The following XKR6 variants were observed in gnomAD, a reference collection of about 807,000 sequenced individuals.
XKR6 encodes the protein XK-related protein 6.
XKR6 carries 22 observed loss-of-function variants against 56.7 expected under a neutral mutation model. That is an observed-to-expected ratio of 0.39 (90% CI 0.28 to 0.55). The LOEUF is 0.55. Ranked by LOEUF, XKR6 falls within the 20% of genes least tolerant of loss-of-function variation. XKR6 has a pLI of 0.66. For synonymous variants in XKR6, 524 were observed against 387.8 expected (o/e 1.35, Z -4.13); for missense variants, 852 against 889.0 (o/e 0.96, Z 0.53).
chr8:11,013,293 G>GT (rs1217873759), intron 1 of XKR6, among the ~76,000 whole-genome samples: 9 of 152,188 alleles, frequency 5.9e-5, no homozygotes, highest in African/African-American at 2.2e-4. Flanking sequence ...CCACCATGTG[G>GT]TTTTCTAAAG....
At chr8:10,962,510 T>C (rs1802094468) in intron 1 of XKR6, among the ~76,000 whole-genome samples, 1 of 152,346 alleles carries the variant, frequency 6.6e-6, no homozygotes, top group East Asian at 1.9e-4. Context: ...TTATTTACGA[T>C]GTCTTACATC....
At chr8:11,118,009 A>G (rs927453949) in intron 1 of XKR6, among the ~76,000 whole-genome samples, 2 of 152,192 alleles carry the variant, frequency 1.3e-5, no homozygotes, top group Non-Finnish European at 2.9e-5. Flanking sequence ...AGAGGTATAC[A>G]CCAGCACCAA....
rs1804246235 is a variant in XKR6, at chr8:11,201,504, G to A, written c.-165C>T. 5 of 559,832 alleles carry A rather than the reference G, an allele frequency of 8.9e-6. No individual in the cohort carries two copies. The highest frequency in any genetic ancestry group is 4.2e-5 in the South Asian group (2 of 47,112). The allele number at this position is 559,832 out of a possible 1,614,324, so 34.7% of individuals were successfully genotyped here. On this transcript the variant is annotated 5_prime_UTR_variant, in exon 1 of 3. Coordinates refer to ENST00000416569, the MANE Select transcript of XKR6 (RefSeq NM_173683.4). ...GGGAGTGGGCCAGGGAACCCCCTCC[G>A]CTTCCGGGTAGTTGGCGTCACTTCC...
intron 1 of XKR6, among the ~76,000 whole-genome samples, chr8:10,979,616 T>C (rs1333992817): frequency 6.6e-6 from 1 of 152,186 alleles, no homozygotes. Flanking sequence ...GTAAGGTGGG[T>C]TGAGTGCAGC....
chr8:10,929,288 A>G (rs1402306050), intron 1 of XKR6, among the ~76,000 whole-genome samples: 1 of 152,252 alleles, frequency 6.6e-6, no homozygotes, highest in Non-Finnish European at 1.5e-5. Context: ...CAACACCCCT[A>G]TGAGGTAGCT....
At chr8:10,909,164 T>G (rs1270324075) in intron 2 of XKR6, among the ~76,000 whole-genome samples, 1 of 113,630 alleles carries the variant, frequency 8.8e-6, no homozygotes. Flanking sequence ...AGACTCTGTC[T>G]CAAAAAAAAA....
chr8:11,087,248 C>T (rs1185043955), intron 1 of XKR6, among the ~76,000 whole-genome samples: 2 of 152,182 alleles, frequency 1.3e-5, no homozygotes, highest in South Asian at 2.1e-4. Context: ...AACCACTGTC[C>T]CAGCAAAGAT....
chr8:10,994,853 T>G (rs146223496), intron 1 of XKR6, among the ~76,000 whole-genome samples: 10 of 152,262 alleles, frequency 6.6e-5, no homozygotes, highest in Middle Eastern at 3.4e-3. Flanking sequence ...CCCCTAAATT[T>G]TAGCCCAGAA....
rs201561450 is a variant in XKR6 at position 11,139,715 on chromosome 8, C to A, written c.764+60861G>T. Reference sequence around the variant, plus strand: ...GGAGAGGGGAAGCAGGAAACCTGTACAAAAGCCACAGCCGAAGGGGCTGTA... The same window carrying A: ...GGAGAGGGGAAGCAGGAAACCTGTAAAAAAGCCACAGCCGAAGGGGCTGTA... On this transcript the variant is annotated intron_variant, in intron 1 of 2. Coordinates refer to ENST00000416569, the MANE Select transcript of XKR6 (RefSeq NM_173683.4). 2.0e-3 allele frequency among the ~76,000 whole-genome samples: 305 copies of A among 152,262 alleles called. 3 individuals are homozygous for A. The highest frequency in any genetic ancestry group is 7.1e-3 in the African/African-American group (294 of 41,542).
At position 11,003,212 on chromosome 8, in the gene XKR6, C is replaced by T. The variant is rs548428254; in HGVS notation, c.765-78382G>A. 2.6e-5 allele frequency among the ~76,000 whole-genome samples: 4 copies of T among 152,286 alleles called. No individual in the cohort carries two copies. In the South Asian group the frequency reaches 8.3e-4, roughly 32 times the overall value. ...CACCAAGGAGGCACAGATGAAGCTG[C>T]ACACCACCTGGCATTGTAGTGATCA... On this transcript the variant is annotated intron_variant, in intron 1 of 2. Transcript: ENST00000416569.
At chr8:11,088,312 G>A (rs905529599) in intron 1 of XKR6, among the ~76,000 whole-genome samples, 1 of 152,188 alleles carries the variant, frequency 6.6e-6, no homozygotes, top group Admixed American at 6.5e-5. Flanking sequence ...TTCTGACCCA[G>A]ATCCCCTTAT....
chr8:11,162,905 G>A (rs977563717), intron 1 of XKR6, among the ~76,000 whole-genome samples: 2 of 152,196 alleles, frequency 1.3e-5, no homozygotes, highest in Admixed American at 1.3e-4. Flanking sequence ...GGAGTTCACA[G>A]AAATTTTTGC....
chr8:11,001,145 T>C (rs566802822), intron 1 of XKR6, among the ~76,000 whole-genome samples: 27 of 152,368 alleles, frequency 1.8e-4, no homozygotes, highest in Middle Eastern at 3.4e-3. Context: ...GAACACGTGC[T>C]ATGTGTTAGG....
chr8:11,127,311 G>GA (rs567316102), intron 1 of XKR6, among the ~76,000 whole-genome samples: 355 of 152,282 alleles, frequency 2.3e-3, no homozygotes, highest in Non-Finnish European at 3.6e-3. Flanking sequence ...GATCTTCAAC[G>GA]AGTTACTTAT....
chr8:11,169,646 T>C (rs1447349141), intron 1 of XKR6, among the ~76,000 whole-genome samples: 1 of 152,090 alleles, frequency 6.6e-6, no homozygotes, highest in African/African-American at 2.4e-5. Context: ...AAATGGGAAG[T>C]TAGTATTTAA....
At chr8:11,045,607 T>C (rs988923537) in intron 1 of XKR6, among the ~76,000 whole-genome samples, 4 of 152,194 alleles carry the variant, frequency 2.6e-5, no homozygotes, top group African/African-American at 7.2e-5. Flanking sequence ...AGGGTTAAAT[T>C]AAACAATGTG....
chr8:11,008,230 A>C (rs1460263056), intron 1 of XKR6, among the ~76,000 whole-genome samples: 1 of 151,612 alleles, frequency 6.6e-6, no homozygotes, highest in East Asian at 1.9e-4. Context: ...AATCCATCCC[A>C]CCCCACCAGC....
chr8:11,171,940 C>T (rs1179363527), intron 1 of XKR6, among the ~76,000 whole-genome samples: 1 of 151,994 alleles, frequency 6.6e-6, no homozygotes, highest in African/African-American at 2.4e-5. Context: ...GTAATCCCTG[C>T]TACTCAGGAG....
chr8:11,078,387 C>T (rs2898259), intron 1 of XKR6, among the ~76,000 whole-genome samples: 33,646 of 152,116 alleles, frequency 0.22, 4,125 homozygotes, highest in African/African-American at 0.32. Flanking sequence ...CATGCTGGCA[C>T]ACAGCTTTTA....
Sources: gnomAD v4.1 joint callset for allele counts (sites outside exome capture counted in the v4.1 genomes callset) on GRCh38, gnomAD v4.1.1 for gene constraint, MANE v1.5 for transcripts, NCBI Gene and HGNC (gene_info 2026-07-23, HGNC 2026-07-21) for gene names.